ASL: variants seen among roughly 807,000 people sequenced by gnomAD.
ASL encodes the protein argininosuccinate lyase.
Under a neutral mutation model 69.1 loss-of-function variants are expected in ASL, and 51 were observed. The ratio of observed to expected loss-of-function variants is 0.74; its 90% CI spans 0.59 to 0.93. The LOEUF is 0.93. ASL is among the 40% of genes least tolerant of loss of function. The pLI, the probability that ASL is intolerant of heterozygous loss-of-function variation, is 0.00. For synonymous variants in ASL, 241 were observed against 247.6 expected, an observed-to-expected ratio of 0.97 and a Z score of 0.25; for missense variants, 540 against 623.9, an observed-to-expected ratio of 0.87 and a Z score of 1.43.
chr7:66,082,359 C>A lies in ASL; in HGVS notation c.208-9C>A. The A allele has an allele frequency of 6.2e-7, 1 of 1,609,798 alleles. No individual in the cohort carries two copies. The highest frequency in any genetic ancestry group is 1.1e-5 in the South Asian group (1 of 89,804). ...CACCTGACCCCGGCATTGCTGCTAC[C>A]CACTACAGGTGGCTGAGGAGTGGGC... is the stretch of plus-strand genomic sequence containing the variant. On this transcript the variant is annotated splice_polypyrimidine_tract_variant and intron_variant, in intron 3 of 16. Coordinates refer to ENST00000304874, the MANE Select transcript of ASL (RefSeq NM_000048.4).
At chr7:66,090,055 T>A (rs566839183) in intron 14 of ASL, among the ~76,000 whole-genome samples, 1 of 152,112 alleles carries the variant, frequency 6.6e-6, no homozygotes, top group Non-Finnish European at 1.5e-5. Flanking sequence ...CTGGCCAACA[T>A]GGCGTAACCA....
Position 66,093,073 on chromosome 7 carries a change from T to TGCCCTTCCAAAGTGC in ASL, c.*161_*162insGCCCTTCCAAAGTGC. 8.2e-7 allele frequency: 1 copy of TGCCCTTCCAAAGTGC among 1,220,082 alleles called. No homozygotes were observed. The allele number at this position is 1,220,082 out of a possible 1,614,324, so 75.6% of individuals were successfully genotyped here. On this transcript the variant is annotated 3_prime_UTR_variant, in exon 17 of 17. Transcript: ENST00000304874. Reference sequence around the variant, plus strand: ...CAGGGTGGCCTGTAATCCCAGCACTTTGGAAGGGCAAGGTGCGAGGATGCT... The same window carrying TGCCCTTCCAAAGTGC: ...CAGGGTGGCCTGTAATCCCAGCACTTGCCCTTCCAAAGTGCTGGAAGGGCAAGGTGCGAGGATGCT...
intron 2 of ASL, among the ~76,000 whole-genome samples, chr7:66,081,229 G>A (rs887656554): frequency 2.0e-5 from 3 of 152,140 alleles, no homozygotes; most frequent in African/African-American, 7.2e-5. Flanking sequence ...GTGGTCCCAG[G>A]GGTGTCTCAG....
intron 2 of ASL, among the ~76,000 whole-genome samples, chr7:66,080,399 A>G (rs1417836868): frequency 6.6e-6 from 1 of 150,550 alleles, no homozygotes; most frequent in Non-Finnish European, 1.5e-5. Context: ...AAAAAAAAAA[A>G]AAAAAAAGAA....
At position 66,076,044 on chromosome 7, in the gene ASL, G is replaced by A. The variant is rs763390749; in HGVS notation, c.-38G>A. ...AGTCCGGTCTTGTCTTCCAGACCCG[G>A]AGGACCGAAGCTTCCGGACGACGAG... On this transcript the variant is annotated 5_prime_UTR_variant, in exon 2 of 17. Coordinates refer to ENST00000304874, the MANE Select transcript of ASL (RefSeq NM_000048.4). The A allele has an allele frequency of 8.2e-6, 13 of 1,590,808 alleles. No homozygotes were observed. In the Admixed American group the frequency reaches 1.4e-4, roughly 17 times the overall value.
chr7:66,086,712 G>A, intron 7 of ASL, 32 bp from the exon 8 acceptor site: 1 of 1,610,998 alleles, frequency 6.2e-7, no homozygotes. Flanking sequence ...GACCCCGGCT[G>A]CCCTGACCCT....
Position 66,088,903 on chromosome 7 carries a change from A to G in ASL, c.815A>G (p.Gln272Arg). 2 of 1,613,992 alleles carry G rather than the reference A, an allele frequency of 1.2e-6. No individual in the cohort carries two copies. The highest frequency in any genetic ancestry group is 1.7e-6 in the Non-Finnish European group (2 of 1,179,974). Residue 272 changes from glutamine to arginine, a missense_variant, in exon 11 of 17, where the codon CAG (glutamine) becomes CGG (arginine). Physicochemically the swap from Gln to Arg is conservative, Grantham distance 43. Transcript: ENST00000304874. The part of the protein sequence containing the change: ...LYCTKEFSFV[Q>R]LSDAYSTGSS... ...TGCACCAAGGAATTCAGCTTCGTGC[A>G]GCTCTCAGATGCCTACAGGTAAGCC...
Position 66,092,938 on chromosome 7 carries a change from A to G in ASL, c.*26A>G. On this transcript the variant is annotated 3_prime_UTR_variant, in exon 17 of 17. Coordinates refer to ENST00000304874, the MANE Select transcript of ASL (RefSeq NM_000048.4). ...GTCCTCCCACACCTGCCCCCTAATA[A>G]AGTGGGCGCGAGAGGAGGCTGCTGT... The G allele has an allele frequency of 1.3e-6, 2 of 1,592,394 alleles. No homozygotes were observed. Among genetic ancestry groups the G allele is most frequent in the Non-Finnish European group, 1.7e-6 (2 of 1,175,736 alleles).
In ASL at chr7:66,092,883, C is replaced by A. The variant is rs759396688; in HGVS notation, c.1366C>A (p.Arg456=). The change falls in exon 17 of 17, where the codon CGG becomes AGG. Residue 456 remains arginine, a synonymous_variant. Coordinates refer to ENST00000304874, the MANE Select transcript of ASL (RefSeq NM_000048.4). ...SSVDWQIRQV[R]ALLQAQQA ...CGTCGACTGGCAGATCCGCCAGGTG[C>A]GGGCGCTACTGCAGGCACAGCAGGC... 6 of 1,610,648 alleles carry A rather than the reference C, an allele frequency of 3.7e-6. No individual in the cohort carries two copies. The highest frequency in any genetic ancestry group is 3.4e-6 in the Non-Finnish European group (4 of 1,179,918).
In ASL at chr7:66,082,371, G is replaced by T. The variant is rs1584021872; in HGVS notation, c.211G>T (p.Ala71Ser). The change falls in exon 4 of 17, where the codon GCT becomes TCT. Residue 71 changes from alanine (A) to serine (S), a missense_variant. Transcript: ENST00000304874. ...GCATTGCTGCTACCCACTACAGGTG[G>T]CTGAGGAGTGGGCCCAGGGCACCTT... ...DQILHGLDKVAEEWAQGTFKL... is the reference protein window; with the variant it reads ...DQILHGLDKVSEEWAQGTFKL... The T allele has an allele frequency of 6.2e-7, 1 of 1,611,662 alleles. No homozygotes were observed. Among genetic ancestry groups the T allele is most frequent in the South Asian group, 1.1e-5 (1 of 90,282 alleles).
intron 13 of ASL, 67 bp downstream of exon 13, chr7:66,089,402 G>T: frequency 1.3e-6 from 2 of 1,547,870 alleles, no homozygotes; most frequent in Non-Finnish European, 1.7e-6. Flanking sequence ...CTCAGGCAGG[G>T]CCCCACCCCG....
rs1271130081 is a variant in ASL, at chr7:66,092,604, G to A, written c.1191G>A (p.Met397Ile). The A allele has an allele frequency of 6.2e-7, 1 of 1,612,778 alleles. No homozygotes were observed. Among genetic ancestry groups the A allele is most frequent in the Non-Finnish European group, 8.5e-7 (1 of 1,180,006 alleles). The part of the protein sequence containing the change: ...AHEASGKAVF[M>I]AETKGVALNQ... ...AGGCCTCCGGGAAAGCTGTGTTCAT[G>A]GCCGAGACCAAGGGGGTCGCCCTCA... Residue 397 changes from methionine (M) to isoleucine (I), a missense_variant, in exon 16 of 17, where the codon ATG becomes ATA. Met to Ile is a conservative substitution (Grantham distance 10). Coordinates refer to ENST00000304874, the MANE Select transcript of ASL (RefSeq NM_000048.4).
At chr7:66,089,392 C>G in intron 13 of ASL, 57 bp downstream of exon 13, 1 of 1,558,834 alleles carries the variant, frequency 6.4e-7, no homozygotes, top group Non-Finnish European at 8.7e-7. Flanking sequence ...CTCTGGCACA[C>G]TCAGGCAGGG....
At chr7:66,077,860 G>A (rs1185157175) in intron 2 of ASL, among the ~76,000 whole-genome samples, 1 of 152,156 alleles carries the variant, frequency 6.6e-6, no homozygotes, top group Non-Finnish European at 1.5e-5. Context: ...AGACCATTCT[G>A]GCCCAGATGT....
intron 6 of ASL, among the ~76,000 whole-genome samples, chr7:66,085,331 A>G (rs955655091): frequency 3.5e-4 from 53 of 152,218 alleles, no homozygotes; most frequent in African/African-American, 1.2e-3. Context: ...ACACAAAATT[A>G]GCTGGGTGTG....
rs770220569 is a variant in ASL, at chr7:66,092,681, C to T, written c.1250+18C>T. On this transcript the variant is annotated intron_variant, in intron 16 of 16. Coordinates refer to ENST00000304874, the MANE Select transcript of ASL (RefSeq NM_000048.4). ...ACCATCAGGTACGGCCCATCCCCTT[C>T]CCCATGCTGCCTCCTAGGAAGTGAG... is the stretch of plus-strand genomic sequence containing the variant. The T allele has an allele frequency of 2.1e-5, 34 of 1,613,554 alleles. No homozygotes were observed. Among genetic ancestry groups the T allele is most frequent in the Non-Finnish European group, 2.9e-5 (34 of 1,179,944 alleles).
chr7:66,082,924 C>T lies in ASL; in HGVS notation c.336C>T (p.Ser112=). The change falls in exon 5 of 17, where the codon AGC becomes AGT. Residue 112 remains serine, a synonymous_variant. Coordinates refer to ENST00000304874, the MANE Select transcript of ASL (RefSeq NM_000048.4). ...ATAGKLHTGR[S]RNDQVVTDLR... ...CAGGGAAGCTGCACACGGGACGGAGCCGGAATGACCAGGTGCTTTAGCCCC... is the reference window on the plus strand; with the variant it reads ...CAGGGAAGCTGCACACGGGACGGAGTCGGAATGACCAGGTGCTTTAGCCCC... 6.2e-7 allele frequency: 1 copy of T among 1,613,630 alleles called. No individual in the cohort carries two copies. Among genetic ancestry groups the T allele is most frequent in the Non-Finnish European group, 8.5e-7 (1 of 1,180,006 alleles).
Position 66,088,804 on chromosome 7 carries a change from C to T in ASL, c.719-3C>T. The T allele has an allele frequency of 6.2e-7, 1 of 1,611,782 alleles. No individual in the cohort carries two copies. The highest frequency in any genetic ancestry group is 1.1e-5 in the South Asian group (1 of 90,468). On this transcript the variant is annotated splice_polypyrimidine_tract_variant and splice_region_variant and intron_variant, in intron 10 of 16. Coordinates refer to ENST00000304874, the MANE Select transcript of ASL (RefSeq NM_000048.4). The stretch of plus-strand genomic sequence containing the variant: ...CCTGGTGACTGGGAACCTTTTCTCC[C>T]AGCCGAGTTCCTGTTCTGGGCTTCG...
chr7:66,087,699 G>A (rs761125427), intron 9 of ASL, 30 bp from the exon 10 acceptor site: 51 of 1,613,832 alleles, frequency 3.2e-5, no homozygotes, highest in Non-Finnish European at 4.3e-5. Context: ...CTGTCCTCCA[G>A]CTTAGCCCTG....
Sources: gnomAD v4.1 joint callset for allele counts (sites outside exome capture counted in the v4.1 genomes callset) on GRCh38, gnomAD v4.1.1 for gene constraint, MANE v1.5 for transcripts, NCBI Gene and HGNC (gene_info 2026-07-23, HGNC 2026-07-21) for gene names.